PTPRM: variants seen among roughly 807,000 people sequenced by gnomAD.
PTPRM encodes the protein protein tyrosine phosphatase receptor type M, also known as receptor-type tyrosine-protein phosphatase mu.
PTPRM carries 47 observed loss-of-function variants against 186.7 expected under a neutral mutation model. The ratio of observed to expected loss-of-function variants is 0.25; its 90% CI spans 0.20 to 0.32. The LOEUF is 0.32. Ranked by LOEUF, PTPRM falls within the 10% of genes least tolerant of loss-of-function variation. The probability of loss-of-function intolerance (pLI) is 1.00; values close to 1 mark genes in which losing one functional copy is unlikely to be tolerated. For synonymous variants in PTPRM, 668 were observed against 674.9 expected (o/e 0.99, Z 0.16); for missense variants, 1,494 against 1,865.0 (o/e 0.80, Z 3.66).
intron 20 of PTPRM, among the ~76,000 whole-genome samples, chr18:8,307,422 G>A (rs1327797405): frequency 6.6e-6 from 1 of 152,092 alleles, no homozygotes; most frequent in Non-Finnish European, 1.5e-5. Context: ...GGCTTGAGGT[G>A]GATTCACTTA....
intron 2 of PTPRM, among the ~76,000 whole-genome samples, chr18:7,843,029 C>G (rs1481923582): frequency 6.7e-6 from 1 of 149,646 alleles, no homozygotes; most frequent in African/African-American, 2.5e-5. Context: ...CTTTATGTTT[C>G]TCATATATCT....
intron 1 of PTPRM, among the ~76,000 whole-genome samples, chr18:7,709,408 G>A (rs1203981803): frequency 3.3e-5 from 5 of 152,010 alleles, no homozygotes; most frequent in Middle Eastern, 3.4e-3. Context: ...CAGCAAAAGC[G>A]GTGCTAAGAG....
At chr18:8,109,995 G>A (rs942350806) in intron 11 of PTPRM, among the ~76,000 whole-genome samples, 2 of 152,112 alleles carry the variant, frequency 1.3e-5, no homozygotes, top group Admixed American at 6.6e-5. Flanking sequence ...TTTGGGTAAT[G>A]AATACAAAAT....
At chr18:8,092,518 G>A (rs1032230224) in intron 11 of PTPRM, among the ~76,000 whole-genome samples, 2 of 152,194 alleles carry the variant, frequency 1.3e-5, no homozygotes, top group East Asian at 1.9e-4. Flanking sequence ...AGGCTGAAGC[G>A]ATCCCCCTGC....
chr18:7,703,079 A>G lies in PTPRM; in HGVS notation c.74-71070A>G, dbSNP rs148708694. On this transcript the variant is annotated intron_variant, in intron 1 of 32. Coordinates refer to ENST00000580170, the MANE Select transcript of PTPRM (RefSeq NM_001105244.2). The stretch of plus-strand genomic sequence containing the variant: ...AGTACCATGCTGTTTTGGTTACTGT[A>G]GCCTTGTAGTATAGTTTGAAGTCAG... Among the ~76,000 whole-genome samples the G allele has an allele frequency of 9.5e-3, 1,441 of 152,250 alleles. 34 individuals carry two copies. Among genetic ancestry groups the G allele is most frequent in the African/African-American group, 0.033 (1,377 of 41,532 alleles).
chr18:8,175,592 A>G (rs1213668723), intron 14 of PTPRM, among the ~76,000 whole-genome samples: 1 of 152,182 alleles, frequency 6.6e-6, no homozygotes, highest in Non-Finnish European at 1.5e-5. Flanking sequence ...TTAATTCAAC[A>G]GTGTATGATT....
At chr18:8,299,015 C>T (rs565688023) in intron 20 of PTPRM, among the ~76,000 whole-genome samples, 5 of 152,234 alleles carry the variant, frequency 3.3e-5, no homozygotes, top group South Asian at 2.1e-4. Context: ...ACTCAGGAGG[C>T]GGAGGCAGGC....
chr18:8,177,128 G>T (rs2093496480), intron 14 of PTPRM, among the ~76,000 whole-genome samples: 1 of 152,102 alleles, frequency 6.6e-6, no homozygotes, highest in Admixed American at 6.6e-5. Flanking sequence ...TTTGGAAAAA[G>T]CTAAATGACT....
At chr18:8,263,962 G>A (rs1426773813) in intron 19 of PTPRM, among the ~76,000 whole-genome samples, 2 of 152,204 alleles carry the variant, frequency 1.3e-5, no homozygotes, top group African/African-American at 4.8e-5. Flanking sequence ...GATGTCATAG[G>A]AACCTTGATT....
At chr18:7,705,099 T>C (rs1300111443) in intron 1 of PTPRM, among the ~76,000 whole-genome samples, 1 of 152,144 alleles carries the variant, frequency 6.6e-6, no homozygotes, top group African/African-American at 2.4e-5. Flanking sequence ...GTTAAATCCA[T>C]TTAATAGAAT....
intron 22 of PTPRM, among the ~76,000 whole-genome samples, chr18:8,326,912 T>C (rs2095380726): frequency 6.6e-6 from 1 of 152,206 alleles, no homozygotes; most frequent in African/African-American, 2.4e-5. Flanking sequence ...TTCTTTTTAA[T>C]ACCCAGTAAG....
At chr18:7,570,859 A>G (rs960179213) in intron 1 of PTPRM, among the ~76,000 whole-genome samples, 5 of 152,124 alleles carry the variant, frequency 3.3e-5, no homozygotes, top group African/African-American at 1.2e-4. Context: ...ATAGAATGCT[A>G]AACTTACTGG....
At chr18:8,248,231 T>G in intron 17 of PTPRM, 55 bp downstream of exon 17, 1 of 1,431,104 alleles carries the variant, frequency 7.0e-7, no homozygotes, top group Non-Finnish European at 9.9e-7. Context: ...AGAAAGTCAG[T>G]GACCACTCTG....
In PTPRM at chr18:7,658,365, C is replaced by CAT. The variant is rs1402146187; in HGVS notation, c.73+90475_73+90476insTA. Among the ~76,000 whole-genome samples the CAT allele has an allele frequency of 7.4e-3, 903 of 121,332 alleles. 9 individuals are homozygous for CAT. The East Asian group carries it at 0.091, about 12-fold the overall frequency. The allele number at this position is 121,332 out of a possible 152,430, so 79.6% of individuals were successfully genotyped here. On this transcript the variant is annotated intron_variant, in intron 1 of 32. Transcript: ENST00000580170. ...ATATATATATATATATATATACATA[C>CAT]ACACACACACACGCTATAAAAATGA...
At chr18:7,570,503 A>G (rs1365673323) in intron 1 of PTPRM, among the ~76,000 whole-genome samples, 2 of 152,222 alleles carry the variant, frequency 1.3e-5, no homozygotes, top group African/African-American at 2.4e-5. Flanking sequence ...TATTTGTTGA[A>G]TAAATCACTA....
At chr18:8,189,846 A>G (rs891708995) in intron 14 of PTPRM, among the ~76,000 whole-genome samples, 1 of 152,228 alleles carries the variant, frequency 6.6e-6, no homozygotes, top group Admixed American at 6.5e-5. Flanking sequence ...ATTGACGTAT[A>G]ATTTGTTTGC....
intron 22 of PTPRM, among the ~76,000 whole-genome samples, chr18:8,334,436 G>A (rs755735147): frequency 1.1e-4 from 17 of 152,248 alleles, no homozygotes; most frequent in Admixed American, 4.6e-4. Flanking sequence ...ACACGTGGCC[G>A]GCTTAGGGCC....
intron 5 of PTPRM, among the ~76,000 whole-genome samples, chr18:7,930,154 G>T (rs1432115240): frequency 2.6e-5 from 4 of 151,842 alleles, no homozygotes; most frequent in Non-Finnish European, 5.9e-5. Flanking sequence ...CTGCAGCCTC[G>T]ACCACCTGGG....
At position 8,314,757 on chromosome 18, in the gene PTPRM, T is replaced by C. The variant is rs781444900; in HGVS notation, c.2843-24T>C. 32 of 1,597,866 alleles carry C rather than the reference T, an allele frequency of 2.0e-5. No individual in the cohort carries two copies. The Admixed American group carries it at 4.4e-4, about 22-fold the overall frequency. On this transcript the variant is annotated intron_variant, in intron 20 of 32. Coordinates refer to ENST00000580170, the MANE Select transcript of PTPRM (RefSeq NM_001105244.2). ...ACCAGATTGCTTTTGTTAATCGTTA[T>C]TTTCTGTCCCTTTTCCTTTGCAGAC...
Sources: gnomAD v4.1 joint callset for allele counts (sites outside exome capture counted in the v4.1 genomes callset) on GRCh38, gnomAD v4.1.1 for gene constraint, MANE v1.5 for transcripts, NCBI Gene and HGNC (gene_info 2026-07-23, HGNC 2026-07-21) for gene names.